Variants in ANO7 observed in about 807,000 individuals in gnomAD.
ANO7 encodes anoctamin-7.
Under a neutral mutation model 115.8 loss-of-function variants are expected in ANO7, and 114 were observed. The ratio of observed to expected loss-of-function variants is 0.98; its 90% CI spans 0.85 to 1.15. ANO7 has a LOEUF of 1.15. Ranked by LOEUF, ANO7 falls within the 50% of genes most tolerant of loss-of-function variation. The pLI, the probability that ANO7 is intolerant of heterozygous loss-of-function variation, is 0.00. For missense variants in ANO7, 1,302 were observed against 1,201.2 expected (o/e 1.08, Z -1.24); for synonymous variants, 550 against 498.2 (o/e 1.10, Z -1.38).
In ANO7 at chr2:241,214,906, A is replaced by C; in HGVS notation, c.1826+4A>C. 1 of 1,611,476 alleles carries C rather than the reference A, an allele frequency of 6.2e-7. No individual in the cohort carries two copies. Among genetic ancestry groups the C allele is most frequent in the Non-Finnish European group, 8.5e-7 (1 of 1,179,720 alleles). On this transcript the variant is annotated splice_donor_region_variant and intron_variant, in intron 18 of 24. Transcript: ENST00000674324. ...ACATGCAGGAGGTCCTCATCCCGTG[A>C]GTCCCCCACTCCTCCCTGGGTGGCA...
downstream of ANO7, chr2:241,227,601 G>C (rs1326396236): frequency 1.3e-5 from 2 of 152,646 alleles, no homozygotes; most frequent in Non-Finnish European, 2.9e-5. Flanking sequence ...AACAGTTTAG[G>C]AAAGGGCTCG....
chr2:241,203,622 C>T lies in ANO7; in HGVS notation c.889+124C>T, dbSNP rs1456017621. 1 of 694,374 alleles carries T rather than the reference C, an allele frequency of 1.4e-6. No individual in the cohort carries two copies. The highest frequency in any genetic ancestry group is 3.4e-5 in the East Asian group (1 of 29,504). 43.0% of individuals were successfully genotyped at this position (694,374 alleles called of 1,614,324 possible). A position where few individuals can be genotyped will look rare whatever the true frequency, so the allele number is the denominator to read the frequency against. Reference sequence around the variant, plus strand: ...GTGGGGGCCTGGACGGTGGGCGCAGCTCTTGGCTCGACCGGGCTGCCCTCC... The same window carrying T: ...GTGGGGGCCTGGACGGTGGGCGCAGTTCTTGGCTCGACCGGGCTGCCCTCC... On this transcript the variant is annotated intron_variant, in intron 9 of 24. Transcript: ENST00000674324. The surrounding 1 kb of genome is among the most constrained non-coding windows in gnomAD (Gnocchi z 4.8).
At chr2:241,239,502 G>C in the ANO7 span, 3 of 947,372 alleles carry the variant, frequency 3.2e-6, no homozygotes, top group Admixed American at 3.8e-5. The surrounding 1 kb of genome is among the most constrained non-coding windows in gnomAD (Gnocchi z 4.6). Context: ...GGCTGTATGA[G>C]GGAGTCACCT....
the ANO7 span, chr2:241,236,523 G>A: frequency 3.8e-6 from 5 of 1,333,312 alleles, no homozygotes; most frequent in Non-Finnish European, 4.2e-6. Flanking sequence ...TGCCGCTTGG[G>A]CAACCGTCCA....
the ANO7 span, among the ~76,000 whole-genome samples, chr2:241,236,986 G>C: frequency 0.033 from 4,964 of 150,468 alleles, 685 homozygotes; most frequent in Admixed American, 0.19. Flanking sequence ...TTGGGGGGGG[G>C]GGGGGGGGCG....
chr2:241,212,142 T>G lies in ANO7; in HGVS notation c.1610T>G (p.Val537Gly). Reference protein sequence around the residue: ...TKFEDAFTLKVFIFQFVNFYS... With the variant: ...TKFEDAFTLKGFIFQFVNFYS... ...TTCGAGGACGCCTTCACCCTCAAGG[T>G]GTTCATCTTCCAGTTCGTCAACTTC... Residue 537 changes from valine to glycine, a missense_variant, in exon 16 of 25, where the codon GTG becomes GGG. Coordinates refer to ENST00000674324, the MANE Select transcript of ANO7 (RefSeq NM_001370694.2). The G allele has an allele frequency of 6.2e-7, 1 of 1,614,056 alleles. No individual in the cohort carries two copies. Among genetic ancestry groups the G allele is most frequent in the Non-Finnish European group, 8.5e-7 (1 of 1,179,998 alleles).
intron 4 of ANO7, among the ~76,000 whole-genome samples, chr2:241,198,639 G>A (rs1180304078): frequency 6.6e-6 from 1 of 152,226 alleles, no homozygotes; most frequent in Non-Finnish European, 1.5e-5. Flanking sequence ...CCAAGGTGGG[G>A]CCGGGACTTT....
downstream of ANO7, among the ~76,000 whole-genome samples, chr2:241,226,190 C>G (rs1051150458): frequency 2.6e-5 from 4 of 151,912 alleles, no homozygotes; most frequent in African/African-American, 9.7e-5. Context: ...TGACCCTTTC[C>G]CATCCAGAGT....
At chr2:241,227,761 G>C (rs1042449971), downstream of ANO7, 1 of 152,550 alleles carries the variant, frequency 6.6e-6, no homozygotes, top group Non-Finnish European at 1.5e-5. Context: ...GGAGCTGGAA[G>C]CAAGCAGCCA....
At chr2:241,205,744 GCTGACAGGTGGACAGGAGTGCTCCCAGT>G (rs1340073962) in intron 10 of ANO7, among the ~76,000 whole-genome samples, 3 of 58,298 alleles carry the variant, frequency 5.1e-5, no homozygotes, top group Non-Finnish European at 6.2e-5. Context: ...GTGCTCCCAG[GCTGACAGGTGGACAGGAGTGCTCCCAGT>G]CTGACAGGTG....
At chr2:241,196,809 T>C (rs955334278) in intron 4 of ANO7, among the ~76,000 whole-genome samples, 1 of 150,294 alleles carries the variant, frequency 6.7e-6, no homozygotes, top group African/African-American at 2.5e-5. Context: ...TCTGGGATGA[T>C]TATGAAAATC....
At chr2:241,207,504 C>A in intron 10 of ANO7, 70 bp from the exon 11 acceptor site, 1 of 1,307,288 alleles carries the variant, frequency 7.6e-7, no homozygotes, top group Non-Finnish European at 1.1e-6. Context: ...ACAAGGGAGG[C>A]GCCTGGCTGG....
the ANO7 span, chr2:241,231,366 A>G: frequency 2.0e-5 from 3 of 151,318 alleles, no homozygotes; most frequent in African/African-American, 7.5e-5. Context: ...CCTGGGCAAC[A>G]GAGCAAAACT....
Position 241,202,292 on chromosome 2 carries a change from C to T in ANO7, c.711C>T (p.Phe237=), listed in dbSNP as rs764736100. 6.2e-7 allele frequency: 1 copy of T among 1,613,046 alleles called. No individual in the cohort carries two copies. The highest frequency in any genetic ancestry group is 1.1e-5 in the South Asian group (1 of 91,086). ...CAGAGGGTGTCCTCAGTGCCGCCTT[C>T]CCCCTGCATGACGTGAGCTCGGGGG... The part of the protein sequence containing the change: ...LLAEGVLSAA[F]PLHDGPFKTP... Residue 237 remains phenylalanine (F), a synonymous_variant, in exon 8 of 25, where the codon TTC becomes TTT. Coordinates refer to ENST00000674324, the MANE Select transcript of ANO7 (RefSeq NM_001370694.2).
At chr2:241,229,558 G>A, downstream of ANO7, 2 of 1,454,476 alleles carry the variant, frequency 1.4e-6, no homozygotes, top group South Asian at 1.2e-5. Context: ...GTGTGGTTGG[G>A]TTTGGGTCAG....
chr2:241,216,378 G>A, intron 19 of ANO7, 140 bp downstream of exon 19: 1 of 1,168,548 alleles, frequency 8.6e-7, no homozygotes, highest in Non-Finnish European at 1.2e-6. Context: ...GGTGGGAACA[G>A]AGGGTCGGGC....
the ANO7 span, chr2:241,239,811 C>T: frequency 6.2e-7 from 1 of 1,613,768 alleles, no homozygotes; most frequent in Non-Finnish European, 8.5e-7. The surrounding 1 kb of genome is among the most constrained non-coding windows in gnomAD (Gnocchi z 4.6). Flanking sequence ...GAGTCTTCCA[C>T]CACATTATCC....
At chr2:241,218,172 AGGGGCGGAGCG>A (rs2068904259) in intron 20 of ANO7, 56 bp from the exon 21 acceptor site, 1 of 530,234 alleles carries the variant, frequency 1.9e-6, no homozygotes, top group Non-Finnish European at 2.2e-6. Flanking sequence ...GGGGGCGCGC[AGGGGCGGAGCG>A]GGGGCGCGCA....
At position 241,209,411 on chromosome 2, in the gene ANO7, G is replaced by C; in HGVS notation, c.1204G>C (p.Asp402His). Reference sequence around the variant, plus strand: ...GCTGGCCTACCGCTGGGACTGCTCTGACTACGAGGACACTGAGGTGAGCCA... The same window carrying C: ...GCTGGCCTACCGCTGGGACTGCTCTCACTACGAGGACACTGAGGTGAGCCA... ...ATLAYRWDCS[D>H]YEDTEERPRP... The change falls in exon 12 of 25, where the codon GAC becomes CAC. Residue 402 changes from aspartate (D) to histidine (H), a missense_variant. By Grantham distance (81) the Asp-to-His change is moderately conservative. Coordinates refer to ENST00000674324, the MANE Select transcript of ANO7 (RefSeq NM_001370694.2). 2 of 1,588,828 alleles carry C rather than the reference G, an allele frequency of 1.3e-6. No individual in the cohort carries two copies. The highest frequency in any genetic ancestry group is 1.7e-6 in the Non-Finnish European group (2 of 1,168,534).
Sources: gnomAD v4.1 joint callset for allele counts (sites outside exome capture counted in the v4.1 genomes callset) on GRCh38, gnomAD v4.1.1 for gene constraint, Gnocchi (gnomAD v3.1) non-coding constraint, MANE v1.5 for transcripts, NCBI Gene and HGNC (gene_info 2026-07-23, HGNC 2026-07-21) for gene names.